TMTC4: variants seen among roughly 807,000 people sequenced by gnomAD.
TMTC4 encodes the protein transmembrane O-mannosyltransferase targeting cadherins 4.
A neutral mutation model predicts 86.0 loss-of-function variants in TMTC4; 65 were observed. That is an observed-to-expected ratio of 0.76 (90% CI 0.62 to 0.93). The LOEUF is 0.93. Among genes scored for constraint, TMTC4 ranks in the 40% least tolerant of loss-of-function variants. TMTC4 has a pLI of 0.00. For synonymous variants in TMTC4, 379 were observed against 382.5 expected (o/e 0.99, Z 0.11); for missense variants, 866 against 948.1 (o/e 0.91, Z 1.14).
chr13:100,622,557 A>G (rs1879684894), intron 15 of TMTC4, among the ~76,000 whole-genome samples: 1 of 152,072 alleles, frequency 6.6e-6, no homozygotes, highest in African/African-American at 2.4e-5. Context: ...TTATAAGGGG[A>G]AACCTCTTTT....
chr13:100,653,775 G>A (rs949786559), intron 6 of TMTC4, among the ~76,000 whole-genome samples: 5 of 152,200 alleles, frequency 3.3e-5, no homozygotes, highest in Non-Finnish European at 7.3e-5. Context: ...TTACACTGCC[G>A]AGAAAAACTG....
intron 16 of TMTC4, among the ~76,000 whole-genome samples, chr13:100,613,549 C>CTA (rs1877967552): frequency 2.0e-5 from 3 of 152,102 alleles, no homozygotes; most frequent in Admixed American, 2.0e-4. Flanking sequence ...GGGCATGGAC[C>CTA]TAGTACTATC....
At chr13:100,612,343 C>A (rs1378428269) in intron 17 of TMTC4, 55 bp downstream of exon 17, 3 of 1,345,346 alleles carry the variant, frequency 2.2e-6, no homozygotes, top group Non-Finnish European at 3.1e-6. Flanking sequence ...ACACTTACGT[C>A]TTCTGTCAGA....
intron 12 of TMTC4, among the ~76,000 whole-genome samples, chr13:100,628,442 C>T (rs948516443): frequency 2.0e-5 from 3 of 152,154 alleles, no homozygotes; most frequent in African/African-American, 4.8e-5. Context: ...TTGTGAATAA[C>T]GCTGCTGTGA....
At chr13:100,641,364 T>TTAAC (rs1566608168) in intron 7 of TMTC4, among the ~76,000 whole-genome samples, 1 of 152,210 alleles carries the variant, frequency 6.6e-6, no homozygotes, top group East Asian at 1.9e-4. Flanking sequence ...TGGGTGGTGA[T>TTAAC]TAACTATAAC....
chr13:100,609,075 T>C (rs1423048705), intron 17 of TMTC4, among the ~76,000 whole-genome samples: 1 of 152,066 alleles, frequency 6.6e-6, no homozygotes, highest in Non-Finnish European at 1.5e-5. Context: ...GATGAGAAGT[T>C]GAAACCGTGA....
chr13:100,607,148 G>T (rs1232328580), intron 17 of TMTC4, among the ~76,000 whole-genome samples: 2 of 152,174 alleles, frequency 1.3e-5, no homozygotes, highest in African/African-American at 4.8e-5. Flanking sequence ...CGCCTAACCT[G>T]TTTTTATTGA....
At chr13:100,652,919 C>T (rs147293848) in intron 6 of TMTC4, among the ~76,000 whole-genome samples, 6 of 152,316 alleles carry the variant, frequency 3.9e-5, no homozygotes, top group Admixed American at 2.0e-4. Context: ...GTACAAGAAA[C>T]GCCCTTAAAG....
At chr13:100,612,747 A>C (rs2153023399) in intron 16 of TMTC4, among the ~76,000 whole-genome samples, 1 of 152,290 alleles carries the variant, frequency 6.6e-6, no homozygotes, top group South Asian at 2.1e-4. Context: ...GACACAACAC[A>C]TAAACAGCTT....
At position 100,656,439 on chromosome 13, in the gene TMTC4, G is replaced by A. The variant is rs1445373058; in HGVS notation, c.582C>T (p.Leu194=). 1 of 1,612,446 alleles carries A rather than the reference G, an allele frequency of 6.2e-7. No homozygotes were observed. The highest frequency in any genetic ancestry group is 1.7e-5 in the Admixed American group (1 of 59,812). The change falls in exon 6 of 19, where the codon CTC becomes CTT. Residue 194 remains leucine (L), a synonymous_variant. Transcript: ENST00000342624. ...CVAGVVGRAD[L]LCALFFLLSF... ...ATAACAAGAAGAACAGGGCACACAG[G>A]AGGTCTGCACGGCCGACAACACCAG...
At chr13:100,658,849 T>C (rs904785167) in intron 5 of TMTC4, among the ~76,000 whole-genome samples, 2 of 152,180 alleles carry the variant, frequency 1.3e-5, no homozygotes, top group African/African-American at 4.8e-5. Context: ...CAAAAGAGCA[T>C]TTAGTATTTA....
At chr13:100,629,194 G>A (rs560414562) in intron 12 of TMTC4, among the ~76,000 whole-genome samples, 1 of 152,222 alleles carries the variant, frequency 6.6e-6, no homozygotes, top group South Asian at 2.1e-4. Context: ...AGTATTTGTT[G>A]ATGATCAAAA....
intron 4 of TMTC4, among the ~76,000 whole-genome samples, chr13:100,663,891 C>A (rs565712940): frequency 3.3e-5 from 5 of 152,258 alleles, no homozygotes; most frequent in Non-Finnish European, 5.9e-5. Flanking sequence ...AAGATTTATA[C>A]CTTATTTATT....
At chr13:100,659,190 G>A (rs1402491479) in intron 5 of TMTC4, among the ~76,000 whole-genome samples, 2 of 152,164 alleles carry the variant, frequency 1.3e-5, no homozygotes, top group Non-Finnish European at 2.9e-5. Flanking sequence ...AGGGGGATGG[G>A]GAAGGTTTCC....
At position 100,634,868 on chromosome 13, in the gene TMTC4, G is replaced by A. The variant is rs371195856; in HGVS notation, c.1443C>T (p.Gly481=). 1.5e-5 allele frequency: 25 copies of A among 1,614,110 alleles called. 1 individual carries two copies. Among genetic ancestry groups the A allele is most frequent in the Admixed American group, 3.3e-5 (2 of 60,022 alleles). Reference sequence around the variant, plus strand: ...AAAGCTGTTCCTCACTCCGCCACTCGCCGCTGCGCAGCACACATCTCAGCG... The same window carrying A: ...AAAGCTGTTCCTCACTCCGCCACTCACCGCTGCGCAGCACACATCTCAGCG... ...INTLRCVLRS[G]EWRSEEQLFR... is the part of the protein sequence containing the mutation. The change falls in exon 12 of 19, where the codon GGC becomes GGT. Residue 481 remains glycine (G), a synonymous_variant. Transcript: ENST00000342624.
At chr13:100,641,733 C>T (rs762430539) in intron 7 of TMTC4, among the ~76,000 whole-genome samples, 5 of 152,116 alleles carry the variant, frequency 3.3e-5, no homozygotes, top group Non-Finnish European at 7.4e-5. Flanking sequence ...GTGATCTGCC[C>T]GCCTTGGCCT....
chr13:100,674,962 T>A, upstream of TMTC4: 1 of 985,472 alleles, frequency 1.0e-6, no homozygotes, highest in Non-Finnish European at 1.2e-6. Context: ...CTCCCGTCAC[T>A]TTCAGGCCAC....
chr13:100,623,023 G>A (rs1879785227), intron 15 of TMTC4, among the ~76,000 whole-genome samples: 1 of 152,106 alleles, frequency 6.6e-6, no homozygotes, highest in Non-Finnish European at 1.5e-5. Flanking sequence ...AAGACAGTAA[G>A]ACCAAAGACA....
At chr13:100,606,530 T>C in intron 17 of TMTC4, 103 bp from the exon 18 acceptor site, 1 of 861,446 alleles carries the variant, frequency 1.2e-6, no homozygotes, top group East Asian at 2.7e-5. Flanking sequence ...ACCTCCTCCT[T>C]TTGTATCAAT....
Sources: allele counts gnomAD v4.1 joint callset (sites outside exome capture counted in the v4.1 genomes callset), GRCh38; gene constraint gnomAD v4.1.1; transcripts MANE v1.5; gene names NCBI Gene and HGNC (gene_info 2026-07-23, HGNC 2026-07-21).